The following COL19A1 variants were observed in gnomAD, a reference collection of about 807,000 sequenced individuals.
COL19A1 encodes collagen type XIX alpha 1 chain, also known as collagen alpha-1(XIX) chain.
COL19A1 carries 159 observed loss-of-function variants against 190.2 expected under a neutral mutation model. The observed-to-expected ratio is 0.84, with a 90% CI of 0.73 to 0.95. The LOEUF is 0.95. Ranked by LOEUF, COL19A1 falls within the 40% of genes least tolerant of loss-of-function variation. COL19A1 has a pLI of 0.00. For synonymous variants in COL19A1, 509 were observed against 458.9 expected (o/e 1.11, Z -1.39); for missense variants, 1,418 against 1,431.9 (o/e 0.99, Z 0.16).
chr6:70,179,277 A>C (rs1766016693), intron 42 of COL19A1, among the ~76,000 whole-genome samples: 1 of 152,046 alleles, frequency 6.6e-6, no homozygotes, highest in Non-Finnish European at 1.5e-5. Context: ...TCCAAAACCT[A>C]CTTGGCTTTT....
intron 15 of COL19A1, among the ~76,000 whole-genome samples, chr6:70,070,184 G>T (rs887754656): frequency 6.6e-6 from 1 of 152,018 alleles, no homozygotes; most frequent in Admixed American, 6.6e-5. Context: ...ATTTAAATGA[G>T]GCTTTTTAGA....
intron 10 of COL19A1, among the ~76,000 whole-genome samples, 194 bp downstream of exon 10, chr6:69,960,234 T>G (rs1416112525): frequency 6.6e-6 from 1 of 152,198 alleles, no homozygotes; most frequent in East Asian, 1.9e-4. Flanking sequence ...GAGGAAGCTT[T>G]ATCACAGAGC....
At chr6:69,921,877 A>G (rs936735044) in intron 4 of COL19A1, among the ~76,000 whole-genome samples, 6 of 151,984 alleles carry the variant, frequency 3.9e-5, no homozygotes, top group African/African-American at 1.4e-4. Context: ...CTTAGCAAGT[A>G]AGGATCAGCG....
intron 16 of COL19A1, among the ~76,000 whole-genome samples, chr6:70,117,042 A>C (rs998219641): frequency 1.3e-5 from 2 of 152,182 alleles, no homozygotes; most frequent in Non-Finnish European, 2.9e-5. Flanking sequence ...GGGTACTTTT[A>C]GAGAAAAGGG....
At chr6:70,031,254 G>A (rs1779056061) in intron 12 of COL19A1, among the ~76,000 whole-genome samples, 1 of 151,122 alleles carries the variant, frequency 6.6e-6, no homozygotes, top group African/African-American at 2.4e-5. Flanking sequence ...TTTAATTTGA[G>A]CAAATTCATG....
At chr6:69,956,152 G>C (rs1371910076) in intron 9 of COL19A1, among the ~76,000 whole-genome samples, 2 of 151,904 alleles carry the variant, frequency 1.3e-5, no homozygotes, top group Non-Finnish European at 2.9e-5. Context: ...TAGATTTTAA[G>C]AGAGTAGATG....
chr6:69,973,446 A>G (rs765901771), intron 11 of COL19A1, among the ~76,000 whole-genome samples: 1 of 152,000 alleles, frequency 6.6e-6, no homozygotes, highest in Non-Finnish European at 1.5e-5. Flanking sequence ...ATTTTTTCGC[A>G]TATTTTTGTA....
intron 15 of COL19A1, among the ~76,000 whole-genome samples, chr6:70,097,275 C>T (rs1185750717): frequency 1.3e-5 from 2 of 152,024 alleles, no homozygotes; most frequent in African/African-American, 2.4e-5. Flanking sequence ...GTCTTGAACT[C>T]CTGGGCTCAA....
At chr6:69,910,561 G>A (rs927613181) in intron 4 of COL19A1, among the ~76,000 whole-genome samples, 16 of 152,172 alleles carry the variant, frequency 1.1e-4, no homozygotes, top group African/African-American at 3.6e-4. Flanking sequence ...GTACTACTTA[G>A]GAGTCATAAT....
chr6:70,029,944 C>T (rs1180247049), intron 12 of COL19A1, among the ~76,000 whole-genome samples: 2 of 152,114 alleles, frequency 1.3e-5, no homozygotes, highest in Non-Finnish European at 2.9e-5. Context: ...CTCAGAACAA[C>T]CCTTCAAGAA....
At chr6:70,097,152 CA>C (rs1443952157) in intron 15 of COL19A1, among the ~76,000 whole-genome samples, 2 of 151,912 alleles carry the variant, frequency 1.3e-5, no homozygotes, top group African/African-American at 4.8e-5. Context: ...GTTTATAAAT[CA>C]AAAGTCTAAT....
intron 7 of COL19A1, among the ~76,000 whole-genome samples, chr6:69,933,941 G>A (rs1372125821): frequency 6.6e-6 from 1 of 151,956 alleles, no homozygotes; most frequent in Non-Finnish European, 1.5e-5. Context: ...TATGAAAAGT[G>A]CAAGTAAAAG....
At chr6:70,151,062 C>T (rs1469694754) in intron 30 of COL19A1, among the ~76,000 whole-genome samples, 1 of 152,092 alleles carries the variant, frequency 6.6e-6, no homozygotes, top group Non-Finnish European at 1.5e-5. Flanking sequence ...AATAATTTAT[C>T]TTTATGTATT....
chr6:70,075,447 A>G (rs1224683950), intron 15 of COL19A1, among the ~76,000 whole-genome samples: 5 of 152,232 alleles, frequency 3.3e-5, no homozygotes, highest in Non-Finnish European at 7.3e-5. Context: ...AGGCTAATAT[A>G]TGTTCATGTC....
intron 7 of COL19A1, among the ~76,000 whole-genome samples, chr6:69,935,629 A>G (rs558070797): frequency 1.3e-5 from 2 of 152,164 alleles, no homozygotes; most frequent in Non-Finnish European, 2.9e-5. Flanking sequence ...GATACAGTAA[A>G]CTAGTTGCTG....
intron 48 of COL19A1, among the ~76,000 whole-genome samples, chr6:70,198,928 T>C (rs1395617154): frequency 6.6e-6 from 1 of 152,206 alleles, no homozygotes; most frequent in Non-Finnish European, 1.5e-5. Context: ...CAAGTTCATG[T>C]GCGTGGCCAC....
At chr6:70,135,773 G>A (rs1045077065) in intron 18 of COL19A1, among the ~76,000 whole-genome samples, 2 of 152,140 alleles carry the variant, frequency 1.3e-5, no homozygotes, top group East Asian at 1.9e-4. Context: ...AATCTGATTG[G>A]ACAGCTTCAA....
intron 14 of COL19A1, among the ~76,000 whole-genome samples, chr6:70,065,410 G>A (rs887006888): frequency 6.6e-6 from 1 of 152,196 alleles, no homozygotes; most frequent in African/African-American, 2.4e-5. Flanking sequence ...GCCGTATGTA[G>A]AAAGCTGAAA....
chr6:69,988,834 TCTC>T (rs1369682807), intron 11 of COL19A1, among the ~76,000 whole-genome samples: 10 of 152,178 alleles, frequency 6.6e-5, no homozygotes, highest in African/African-American at 2.4e-4. Context: ...CTGTTAGACA[TCTC>T]CTCCTGGATG....
Sources: allele counts gnomAD v4.1 joint callset (sites outside exome capture counted in the v4.1 genomes callset), GRCh38; gene constraint gnomAD v4.1.1; transcripts MANE v1.5; gene names NCBI Gene and HGNC (gene_info 2026-07-23, HGNC 2026-07-21).